BMPR1B: variants seen among roughly 807,000 people sequenced by gnomAD.
BMPR1B encodes bone morphogenetic protein receptor type 1B, also known as bone morphogenetic protein receptor type-1B.
In BMPR1B, 12 loss-of-function variants were observed where a neutral mutation model predicts 59.1. That is an observed-to-expected ratio of 0.20 (90% CI 0.13 to 0.33). The LOEUF (loss-of-function observed/expected upper bound fraction) is 0.33. Among genes scored for constraint, BMPR1B ranks in the 10% least tolerant of loss-of-function variants. BMPR1B has a pLI of 1.00. For missense variants in BMPR1B, 550 were observed against 610.9 expected, an observed-to-expected ratio of 0.90 and a Z score of 1.05; for synonymous variants, 237 against 207.3, an observed-to-expected ratio of 1.14 and a Z score of -1.23.
chr4:94,856,195 T>C (rs75899546), intron 1 of BMPR1B, among the ~76,000 whole-genome samples: 196 of 152,340 alleles, frequency 1.3e-3, no homozygotes, highest in South Asian at 2.5e-3. Context: ...GTTGTTTTTT[T>C]GATAAGATCT....
At position 95,051,756 on chromosome 4, in the gene BMPR1B, C is replaced by G. The variant is rs908075496; in HGVS notation, c.-17-52652C>G. The G allele has an allele frequency of 2.6e-6, 4 of 1,535,550 alleles. 1 individual carries two copies. The highest frequency in any genetic ancestry group is 2.4e-5 in the South Asian group (2 of 84,046). On this transcript the variant is annotated intron_variant, in intron 3 of 12. Transcript: ENST00000515059. ...TTCACATTTTCTTGCTCATTCTTCT[C>G]TCTATGCACACAAGGGGTAAGAAGA...
intron 2 of BMPR1B, among the ~76,000 whole-genome samples, chr4:94,902,046 G>GGTGTGTGTGTGTGTGTGTGT (rs34068392): frequency 8.4e-6 from 1 of 119,184 alleles, no homozygotes; most frequent in African/African-American, 4.0e-5. Context: ...CAGACTGCAT[G>GGTGTGTGTGTGTGTGTGTGT]GTGTGTGTGT....
At chr4:95,058,832 C>G (rs1250872197) in intron 3 of BMPR1B, among the ~76,000 whole-genome samples, 1 of 151,894 alleles carries the variant, frequency 6.6e-6, no homozygotes, top group African/African-American at 2.4e-5. Context: ...TTTTTCAGAT[C>G]TGAAGAAATT....
At chr4:94,922,190 G>T (rs1433880637) in intron 2 of BMPR1B, among the ~76,000 whole-genome samples, 4 of 152,048 alleles carry the variant, frequency 2.6e-5, no homozygotes, top group African/African-American at 4.8e-5. Context: ...GCCCCATCTG[G>T]TATTGAACTC....
At position 95,156,868 on chromosome 4, in the gene BMPR1B, C is replaced by T. The variant is rs994525584; in HGVS notation, c.*2195C>T. ...TCATCTGAGCCTTGAAGAGAAACTT[C>T]AGTGCCTCTAAACAGATCATCTACA... On this transcript the variant is annotated 3_prime_UTR_variant, in exon 13 of 13. Coordinates refer to ENST00000515059, the MANE Select transcript of BMPR1B (RefSeq NM_001203.3). 3 of 152,170 alleles carry T rather than the reference C, an allele frequency of 2.0e-5. No individual in the cohort carries two copies. Among genetic ancestry groups the T allele is most frequent in the African/African-American group, 7.2e-5 (3 of 41,452 alleles). The allele number at this position is 152,170 out of a possible 1,614,324, so 9.4% of individuals were successfully genotyped here.
chr4:94,808,783 G>A (rs10032071), intron 1 of BMPR1B, among the ~76,000 whole-genome samples: 9,573 of 152,178 alleles, frequency 0.063, 422 homozygotes, highest in Middle Eastern at 0.15. Flanking sequence ...CAGGCTGGGC[G>A]CAGTGGCTCA....
At chr4:95,151,028 T>G (rs779510356) in intron 11 of BMPR1B, among the ~76,000 whole-genome samples, 8 of 152,200 alleles carry the variant, frequency 5.3e-5, no homozygotes, top group Non-Finnish European at 1.2e-4. Context: ...TTTCTAACAC[T>G]TTATGAAGAT....
At chr4:95,153,541 T>A (rs1237283114) in intron 12 of BMPR1B, among the ~76,000 whole-genome samples, 2 of 152,104 alleles carry the variant, frequency 1.3e-5, no homozygotes, top group Non-Finnish European at 2.9e-5. Flanking sequence ...TTCTGAAGTG[T>A]AAAAGCCATT....
chr4:94,770,182 GTTT>G (rs1722127950), intron 1 of BMPR1B, among the ~76,000 whole-genome samples: 1 of 40,016 alleles, frequency 2.5e-5, no homozygotes, highest in Non-Finnish European at 4.9e-5. Flanking sequence ...TCGTTTCTGT[GTTT>G]GTTTTTTTTT....
chr4:95,123,587 A>C (rs2149290436), intron 6 of BMPR1B, among the ~76,000 whole-genome samples: 1 of 152,208 alleles, frequency 6.6e-6, no homozygotes, highest in South Asian at 2.1e-4. Flanking sequence ...GACAGGAAGA[A>C]ATGTGTGCTC....
At chr4:95,139,692 T>TGGGCGTGGGACCCTCCGAGCC (rs574550257) in intron 10 of BMPR1B, among the ~76,000 whole-genome samples, 1 of 151,542 alleles carries the variant, frequency 6.6e-6, no homozygotes, top group South Asian at 2.1e-4. Context: ...CGAGGCTCCA[T>TGGGCGTGGGACCCTCCGAGCC]GGGCGTGGGA....
At chr4:95,116,421 GCACACACACACACACA>G (rs35436544) in intron 6 of BMPR1B, among the ~76,000 whole-genome samples, 15 of 123,246 alleles carry the variant, frequency 1.2e-4, no homozygotes, top group Admixed American at 1.6e-4. Flanking sequence ...TTCAGCGCGC[GCACACACACACACACA>G]CACACACACA....
At chr4:94,885,252 C>T (rs1270543921) in intron 2 of BMPR1B, among the ~76,000 whole-genome samples, 2 of 152,104 alleles carry the variant, frequency 1.3e-5, no homozygotes, top group Non-Finnish European at 2.9e-5. Flanking sequence ...ATTTTTGCAG[C>T]AGTAGTAAAC....
At chr4:94,905,486 T>C (rs1728001256) in intron 2 of BMPR1B, among the ~76,000 whole-genome samples, 3 of 151,866 alleles carry the variant, frequency 2.0e-5, no homozygotes. Flanking sequence ...TGAAAAATAA[T>C]CTATATTTTC....
intron 3 of BMPR1B, among the ~76,000 whole-genome samples, chr4:95,001,146 G>A (rs1722417320): frequency 6.6e-6 from 1 of 152,062 alleles, no homozygotes; most frequent in Admixed American, 6.6e-5. Context: ...ACAATCTGCA[G>A]GTTTGTTACA....
chr4:94,998,372 CT>C (rs1722204697), intron 3 of BMPR1B, among the ~76,000 whole-genome samples: 1 of 61,576 alleles, frequency 1.6e-5, no homozygotes, highest in Non-Finnish European at 3.2e-5. Flanking sequence ...TGCTACACTA[CT>C]CCTTTTTTTT....
intron 3 of BMPR1B, among the ~76,000 whole-genome samples, chr4:95,099,137 G>A (rs1274428818): frequency 3.9e-5 from 6 of 152,122 alleles, no homozygotes; most frequent in African/African-American, 1.2e-4. Flanking sequence ...TGAAAACATG[G>A]TGAGCCATCA....
At chr4:94,914,289 C>G (rs922453723) in intron 2 of BMPR1B, among the ~76,000 whole-genome samples, 5 of 152,072 alleles carry the variant, frequency 3.3e-5, no homozygotes, top group African/African-American at 1.2e-4. Context: ...AGAGAGAGAA[C>G]ACTGATAAAG....
chr4:95,128,205 GTTC>G (rs1240778342), intron 8 of BMPR1B, among the ~76,000 whole-genome samples: 1 of 152,090 alleles, frequency 6.6e-6, no homozygotes, highest in Non-Finnish European at 1.5e-5. Flanking sequence ...AGAATTTTAT[GTTC>G]TATGACAAAG....
Sources: allele counts gnomAD v4.1 joint callset (sites outside exome capture counted in the v4.1 genomes callset), GRCh38; gene constraint gnomAD v4.1.1; transcripts MANE v1.5; gene names NCBI Gene and HGNC (gene_info 2026-07-23, HGNC 2026-07-21).